Variants in ACOT4 observed in about 807,000 individuals in gnomAD.
The protein encoded by ACOT4 is acyl-CoA thioesterase 4.
In ACOT4, 18 loss-of-function variants were observed where a neutral mutation model predicts 17.1. The ratio of observed to expected loss-of-function variants is 1.05; its 90% CI spans 0.73 to 1.56. ACOT4 has a LOEUF of 1.56. Ranked by LOEUF, ACOT4 falls within the 40% of genes most tolerant of loss-of-function variation. The pLI is 0.00. For missense variants in ACOT4, 574 were observed against 557.2 expected (o/e 1.03, Z -0.30); for synonymous variants, 234 against 236.6 (o/e 0.99, Z 0.10).
At chr14:73,592,497 T>C in intron 1 of ACOT4, 81 bp downstream of exon 1, 1 of 1,398,638 alleles carries the variant, frequency 7.1e-7, no homozygotes, top group Non-Finnish European at 9.3e-7. Flanking sequence ...TAGCACTGGT[T>C]TGGTTTTGGA....
chr14:73,592,426 G>A lies in ACOT4; in HGVS notation c.457+10G>A. The A allele has an allele frequency of 6.7e-7, 1 of 1,501,024 alleles. No homozygotes were observed. The highest frequency in any genetic ancestry group is 8.8e-7 in the Non-Finnish European group (1 of 1,132,484). The allele number at this position is 1,501,024 out of a possible 1,614,324, so 93.0% of individuals were successfully genotyped here. A position where few individuals can be genotyped will look rare whatever the true frequency, so the allele number is the denominator to read the frequency against. On this transcript the variant is annotated intron_variant, in intron 1 of 2. Coordinates refer to ENST00000326303, the MANE Select transcript of ACOT4 (RefSeq NM_152331.4). ...CTCTTCCTGCCGCCAGGTGAGCCAG[G>A]CTGCTGGCGGGTGGTGTGAGCGTCA...
rs374958796 is a variant in ACOT4, at chr14:73,595,522, G to A, written c.1134G>A (p.Leu378=). 44 of 1,612,828 alleles carry A rather than the reference G, an allele frequency of 2.7e-5. No individual in the cohort carries two copies. Among genetic ancestry groups the A allele is most frequent in the Non-Finnish European group, 3.3e-5 (39 of 1,179,038 alleles). ...PLCPASLHRL[L]NKHVIWGGEP... ...GCCCAGCTTCCCTTCACAGATTACTGAACAAACATGTTATATGGGGTGGGG... is the reference window on the plus strand; with the variant it reads ...GCCCAGCTTCCCTTCACAGATTACTAAACAAACATGTTATATGGGGTGGGG... Residue 378 remains leucine, a synonymous_variant, in exon 3 of 3, where the codon CTG becomes CTA. Transcript: ENST00000326303.
intron 1 of ACOT4, 89 bp from the exon 2 acceptor site, chr14:73,593,613 G>C (rs60071621): frequency 2.3e-6 from 3 of 1,312,592 alleles, no homozygotes; most frequent in Non-Finnish European, 3.1e-6. Flanking sequence ...AAAGTGCTGA[G>C]ATTACAAGCA....
Position 73,595,278 on chromosome 14 carries a change from A to T in ACOT4, c.890A>T (p.Asn297Ile), listed in dbSNP as rs1263273860. The T allele has an allele frequency of 1.2e-6, 2 of 1,614,100 alleles. No homozygotes were observed. The highest frequency in any genetic ancestry group is 2.7e-5 in the African/African-American group (2 of 74,926). ...CTCGTGGACATTGTGGATATAAGGA[A>T]TGCTCTCGTAGGAGGGTACAAGAAC... ...SGLVDIVDIR[N>I]ALVGGYKNPS... The change falls in exon 3 of 3, where the codon AAT becomes ATT. Residue 297 changes from asparagine to isoleucine, a missense_variant. Asn to Ile is a moderately radical substitution (Grantham distance 149). Transcript: ENST00000326303.
chr14:73,595,612 A>C lies in ACOT4; in HGVS notation c.1224A>C (p.Lys408Asn), dbSNP rs1417554807. ...AWKQILAFFC[K>N]HLGGTQKTAV... ...AGCAAATTCTAGCCTTCTTCTGCAA[A>C]CACCTGGGAGGTACCCAGAAAACAG... The change falls in exon 3 of 3, where the codon AAA becomes AAC. Residue 408 changes from lysine to asparagine, a missense_variant. Transcript: ENST00000326303. 1 of 1,549,258 alleles carries C rather than the reference A, an allele frequency of 6.5e-7. No individual in the cohort carries two copies. Among genetic ancestry groups the C allele is most frequent in the Non-Finnish European group, 8.7e-7 (1 of 1,147,124 alleles).
chr14:73,593,660 A>C (rs377115485), intron 1 of ACOT4, 42 bp from the exon 2 acceptor site: 2 of 1,534,378 alleles, frequency 1.3e-6, no homozygotes, highest in Non-Finnish European at 1.8e-6. Context: ...CAAATTCTTT[A>C]AATTGTATAA....
chr14:73,595,608 G>T lies in ACOT4; in HGVS notation c.1220G>T (p.Cys407Phe), dbSNP rs780904112. ...TGGAAGCAAATTCTAGCCTTCTTCT[G>T]CAAACACCTGGGAGGTACCCAGAAA... ...DAWKQILAFF[C>F]KHLGGTQKTA... is the part of the protein sequence containing the mutation. The change falls in exon 3 of 3, where the codon TGC becomes TTC. Residue 407 changes from cysteine (C) to phenylalanine (F), a missense_variant. By Grantham distance (205) the Cys-to-Phe change is radical (BLOSUM62 -2). Coordinates refer to ENST00000326303, the MANE Select transcript of ACOT4 (RefSeq NM_152331.4). 1 of 1,558,656 alleles carries T rather than the reference G, an allele frequency of 6.4e-7. No homozygotes were observed. The highest frequency in any genetic ancestry group is 8.7e-7 in the Non-Finnish European group (1 of 1,150,208).
chr14:73,593,887 A>G lies in ACOT4; in HGVS notation c.643A>G (p.Met215Val). ...GTACTTCGAAGAAGCCGTATGCTAC[A>G]TGCTTCAACATCCCCAGGTTCTCCT... is the stretch of plus-strand genomic sequence containing the variant. ...LEYFEEAVCY[M>V]LQHPQVKGPG... The change falls in exon 2 of 3, where the codon ATG becomes GTG. Residue 215 changes from methionine (M) to valine (V), a missense_variant. Physicochemically the swap from Met to Val is conservative, Grantham distance 21. Transcript: ENST00000326303. 5 of 1,612,398 alleles carry G rather than the reference A, an allele frequency of 3.1e-6. No individual in the cohort carries two copies. Among genetic ancestry groups the G allele is most frequent in the Non-Finnish European group, 4.2e-6 (5 of 1,178,906 alleles).
At chr14:73,592,852 CAAAAAAA>C (rs1416512385) in intron 1 of ACOT4, among the ~76,000 whole-genome samples, 3 of 151,134 alleles carry the variant, frequency 2.0e-5, no homozygotes, top group East Asian at 1.9e-4. Flanking sequence ...GACTCCGTCT[CAAAAAAA>C]GAAAAAAGAA....
Position 73,595,224 on chromosome 14 carries a change from T to C in ACOT4, c.836T>C (p.Leu279Pro), listed in dbSNP as rs1216010268. 1.9e-6 allele frequency: 3 copies of C among 1,614,094 alleles called. No individual in the cohort carries two copies. The African/African-American group carries it at 4.0e-5, about 22-fold the overall frequency. The change falls in exon 3 of 3, where the codon CTG (leucine) becomes CCG (proline). Residue 279 changes from leucine to proline, a missense_variant. Physicochemically the swap from Leu to Pro is moderately conservative, Grantham distance 98. Coordinates refer to ENST00000326303, the MANE Select transcript of ACOT4 (RefSeq NM_152331.4). Reference protein sequence around the residue: ...HSSIPPLGYDLRRIKVAFSGL... With the variant: ...HSSIPPLGYDPRRIKVAFSGL... The stretch of plus-strand genomic sequence containing the variant: ...AGCATTCCACCATTGGGCTATGACC[T>C]GAGGAGAATCAAGGTAGCTTTCTCA...
At position 73,595,391 on chromosome 14, in the gene ACOT4, G is replaced by A; in HGVS notation, c.1003G>A (p.Ala335Thr). The change falls in exon 3 of 3, where the codon GCC becomes ACC. Residue 335 changes from alanine (A) to threonine (T), a missense_variant. Coordinates refer to ENST00000326303, the MANE Select transcript of ACOT4 (RefSeq NM_152331.4). ...DDHNWRSELYAQTVSERLQAH... is the reference protein window; with the variant it reads ...DDHNWRSELYTQTVSERLQAH... ...CCATAACTGGAGAAGTGAGTTGTATGCCCAAACAGTCTCTGAACGGTTACA... is the reference window on the plus strand; with the variant it reads ...CCATAACTGGAGAAGTGAGTTGTATACCCAAACAGTCTCTGAACGGTTACA... 6.2e-7 allele frequency: 1 copy of A among 1,614,224 alleles called. No homozygotes were observed. Among genetic ancestry groups the A allele is most frequent in the Non-Finnish European group, 8.5e-7 (1 of 1,180,042 alleles).
rs201408256 is a variant in ACOT4 at position 73,594,832 on chromosome 14, CTG to C, written c.661-216_661-215del. ...TCTCCTGCCTCAGCCTCCCAGGTAA[CTG>C]GGATTAGAGGCGTGCGCCACCACAC... On this transcript the variant is annotated intron_variant, in intron 2 of 2. Transcript: ENST00000326303. Among the ~76,000 whole-genome samples, 1,114 of 152,290 alleles carry C rather than the reference CTG, an allele frequency of 7.3e-3. 17 individuals are homozygous for C. The highest frequency in any genetic ancestry group is 0.025 in the African/African-American group (1,053 of 41,552).
Position 73,593,759 on chromosome 14 carries a change from A to C in ACOT4, c.515A>C (p.Glu172Ala), listed in dbSNP as rs1285967918. The C allele has an allele frequency of 1.9e-6, 3 of 1,613,852 alleles. No homozygotes were observed. In the African/African-American group the frequency reaches 4.0e-5, roughly 22 times the overall value. The change falls in exon 2 of 3, where the codon GAA (glutamate) becomes GCA (alanine). Residue 172 changes from glutamate (E) to alanine (A), a missense_variant. Glu to Ala is a moderately radical substitution (Grantham distance 107, BLOSUM62 -1). Coordinates refer to ENST00000326303, the MANE Select transcript of ACOT4 (RefSeq NM_152331.4). The part of the protein sequence containing the change: ...DIFGIGGGLL[E>A]YRASLLAGHG... ...TTTGGTATTGGAGGGGGCCTCTTGG[A>C]ATATCGAGCCAGCCTCCTTGCTGGC...
rs745754725 is a variant in ACOT4 at position 73,595,535 on chromosome 14, A to T, written c.1147A>T (p.Ile383Leu). The T allele has an allele frequency of 6.2e-7, 1 of 1,611,002 alleles. No homozygotes were observed. The highest frequency in any genetic ancestry group is 1.7e-5 in the Admixed American group (1 of 59,966). ...TCACAGATTACTGAACAAACATGTT[A>T]TATGGGGTGGGGAGCCCAGGGCTCA... Reference protein sequence around the residue: ...SLHRLLNKHVIWGGEPRAHSK... With the variant: ...SLHRLLNKHVLWGGEPRAHSK... Residue 383 changes from isoleucine to leucine, a missense_variant, in exon 3 of 3, where the codon ATA becomes TTA. Ile to Leu is a conservative substitution (Grantham distance 5). Coordinates refer to ENST00000326303, the MANE Select transcript of ACOT4 (RefSeq NM_152331.4).
chr14:73,595,705 C>G lies in ACOT4; in HGVS notation c.*51C>G, dbSNP rs374994309. ...AGATTCAAGATCAGATTCTAGTGTT[C>G]AGTAACCCTATGTGAATCAGATGTC... On this transcript the variant is annotated 3_prime_UTR_variant, in exon 3 of 3. Transcript: ENST00000326303. 4 of 1,498,086 alleles carry G rather than the reference C, an allele frequency of 2.7e-6. No individual in the cohort carries two copies. Among genetic ancestry groups the G allele is most frequent in the Non-Finnish European group, 3.6e-6 (4 of 1,122,574 alleles). 92.8% of individuals were successfully genotyped at this position (1,498,086 alleles called of 1,614,324 possible).
intron 1 of ACOT4, among the ~76,000 whole-genome samples, chr14:73,593,336 C>CT (rs60704237): frequency 0.33 from 34,664 of 104,732 alleles, 6,476 homozygotes; most frequent in East Asian, 0.59. Flanking sequence ...TTCTTTCTTT[C>CT]TTTTTTTTTT....
In ACOT4 at chr14:73,595,155, G is replaced by T; in HGVS notation, c.767G>T (p.Gly256Val). 6.2e-7 allele frequency: 1 copy of T among 1,614,230 alleles called. No homozygotes were observed. Among genetic ancestry groups the T allele is most frequent in the Non-Finnish European group, 8.5e-7 (1 of 1,180,048 alleles). ...GTCTCAGCCACAGTTTCCATCAATG[G>T]ATCTGGGATCAGTGGGAACACAGCC... ...KNVSATVSIN[G>V]SGISGNTAIN... Residue 256 changes from glycine to valine, a missense_variant, in exon 3 of 3, where the codon GGA becomes GTA. Coordinates refer to ENST00000326303, the MANE Select transcript of ACOT4 (RefSeq NM_152331.4).
chr14:73,593,338 T>TTC (rs1327723024), intron 1 of ACOT4, among the ~76,000 whole-genome samples: 2 of 54,122 alleles, frequency 3.7e-5, no homozygotes, highest in South Asian at 5.0e-4. Context: ...CTTTCTTTCT[T>TTC]TTTTTTTTTT....
rs766979154 is a variant in ACOT4, at chr14:73,593,755, T to C, written c.511T>C (p.Leu171=). Residue 171 remains leucine, a synonymous_variant, in exon 2 of 3, where the codon TTG becomes CTG. Coordinates refer to ENST00000326303, the MANE Select transcript of ACOT4 (RefSeq NM_152331.4). The part of the protein sequence containing the change: ...IDIFGIGGGL[L]EYRASLLAGH... ...CATCTTTGGTATTGGAGGGGGCCTC[T>C]TGGAATATCGAGCCAGCCTCCTTGC... is the stretch of plus-strand genomic sequence containing the variant. 1.2e-6 allele frequency: 2 copies of C among 1,613,926 alleles called. No homozygotes were observed. Among genetic ancestry groups the C allele is most frequent in the Admixed American group, 3.3e-5 (2 of 60,006 alleles).
Sources: allele counts gnomAD v4.1 joint callset (sites outside exome capture counted in the v4.1 genomes callset), GRCh38; gene constraint gnomAD v4.1.1; transcripts MANE v1.5; gene names NCBI Gene and HGNC (gene_info 2026-07-23, HGNC 2026-07-21).